ADGRL3: variants seen among roughly 807,000 people sequenced by gnomAD.
The protein encoded by ADGRL3 is adhesion G protein-coupled receptor L3.
ADGRL3 carries 62 observed loss-of-function variants against 153.5 expected under a neutral mutation model. The observed-to-expected ratio is 0.40, with a 90% CI of 0.33 to 0.50. The LOEUF (loss-of-function observed/expected upper bound fraction) is 0.50. Among genes scored for constraint, ADGRL3 ranks in the 20% least tolerant of loss-of-function variants. ADGRL3 has a pLI of 0.47. For synonymous variants in ADGRL3, 710 were observed against 672.5 expected (o/e 1.06, Z -0.86); for missense variants, 1,641 against 1,859.4 (o/e 0.88, Z 2.16).
chr4:61,704,484 C>A (rs2095822806), intron 6 of ADGRL3, among the ~76,000 whole-genome samples: 1 of 152,162 alleles, frequency 6.6e-6, no homozygotes, highest in Admixed American at 6.5e-5. Context: ...TCATCCAAGC[C>A]TTCAGCTAGT....
intron 11 of ADGRL3, 106 bp downstream of exon 11, chr4:61,895,940 A>C: frequency 3.5e-6 from 2 of 575,286 alleles, no homozygotes; most frequent in East Asian, 6.4e-5. Flanking sequence ...AAATCAATGT[A>C]GAAAATTTCA....
At chr4:61,281,557 G>A (rs188346538) in intron 1 of ADGRL3, among the ~76,000 whole-genome samples, 35 of 152,246 alleles carry the variant, frequency 2.3e-4, no homozygotes, top group African/African-American at 8.2e-4. Flanking sequence ...ACTAACAGGT[G>A]TGGAAGAGAA....
chr4:62,045,480 C>A (rs9312086), intron 25 of ADGRL3, among the ~76,000 whole-genome samples: 4,067 of 151,876 alleles, frequency 0.027, 188 homozygotes, highest in African/African-American at 0.094. Flanking sequence ...TTTGTTTTTA[C>A]CTTATTTCTG....
At chr4:61,829,399 A>T (rs148663601) in intron 9 of ADGRL3, among the ~76,000 whole-genome samples, 2 of 152,158 alleles carry the variant, frequency 1.3e-5, no homozygotes, top group Non-Finnish European at 2.9e-5. Flanking sequence ...TTAAAACATA[A>T]GATGTTTTGT....
chr4:61,932,633 TC>T (rs2098822270), intron 13 of ADGRL3, among the ~76,000 whole-genome samples: 1 of 152,170 alleles, frequency 6.6e-6, no homozygotes, highest in Admixed American at 6.6e-5. Flanking sequence ...CCTGCAGTTT[TC>T]TCGTGGTGTC....
At chr4:61,345,519 A>G (rs1278791006) in intron 1 of ADGRL3, among the ~76,000 whole-genome samples, 1 of 152,192 alleles carries the variant, frequency 6.6e-6, no homozygotes, top group Non-Finnish European at 1.5e-5. Context: ...GACAAACAAA[A>G]AACTCATGTT....
chr4:61,820,637 A>G (rs1293974959), intron 9 of ADGRL3, among the ~76,000 whole-genome samples: 1 of 152,174 alleles, frequency 6.6e-6, no homozygotes, highest in Non-Finnish European at 1.5e-5. Flanking sequence ...TAGTTAATTT[A>G]ATGGGATTGA....
At chr4:61,776,919 G>A (rs1011381669) in intron 8 of ADGRL3, among the ~76,000 whole-genome samples, 5 of 152,108 alleles carry the variant, frequency 3.3e-5, no homozygotes, top group South Asian at 4.1e-4. Flanking sequence ...TCAACAGTGC[G>A]ACTATTAAAT....
intron 20 of ADGRL3, among the ~76,000 whole-genome samples, chr4:61,996,924 A>T (rs1339149780): frequency 6.6e-6 from 1 of 152,162 alleles, no homozygotes; most frequent in Admixed American, 6.6e-5. Flanking sequence ...GGATTAACTT[A>T]ATTTAGATAA....
intron 1 of ADGRL3, among the ~76,000 whole-genome samples, chr4:61,231,862 G>T (rs753451534): frequency 6.6e-6 from 1 of 151,986 alleles, no homozygotes; most frequent in Non-Finnish European, 1.5e-5. Context: ...TACCTTGGGA[G>T]GAGTGTATTT....
At chr4:61,577,577 G>A (rs944732635) in intron 4 of ADGRL3, among the ~76,000 whole-genome samples, 8 of 151,982 alleles carry the variant, frequency 5.3e-5, no homozygotes, top group African/African-American at 1.9e-4. Context: ...TTGGGAGGCA[G>A]AGGTGGGAAA....
intron 13 of ADGRL3, among the ~76,000 whole-genome samples, chr4:61,923,187 A>G (rs948470275): frequency 8.5e-5 from 13 of 152,218 alleles, no homozygotes; most frequent in Non-Finnish European, 1.8e-4. Flanking sequence ...TGCTATTAAA[A>G]TCCTTTGACC....
chr4:61,372,147 GT>G (rs1473615034), intron 1 of ADGRL3, among the ~76,000 whole-genome samples: 2 of 151,886 alleles, frequency 1.3e-5, no homozygotes, highest in Non-Finnish European at 2.9e-5. Context: ...TTTTTTGAAA[GT>G]TTTCAACTTC....
chr4:61,629,721 C>CAAAAAAAAAAAAAAAAAAA, intron 5 of ADGRL3, among the ~76,000 whole-genome samples: 1 of 33,420 alleles, frequency 3.0e-5, no homozygotes. Flanking sequence ...CGTCTCGGGG[C>CAAAAAAAAAAAAAAAAAAA]AAAAAAAAAA....
intron 5 of ADGRL3, among the ~76,000 whole-genome samples, chr4:61,600,844 A>G (rs867406367): frequency 9.9e-5 from 15 of 152,184 alleles, no homozygotes; most frequent in African/African-American, 3.4e-4. Flanking sequence ...TAAAAAAAAC[A>G]TGGTATATTT....
chr4:61,883,225 T>C (rs971389644), intron 9 of ADGRL3, among the ~76,000 whole-genome samples: 6 of 152,216 alleles, frequency 3.9e-5, no homozygotes, highest in Admixed American at 2.0e-4. Flanking sequence ...TAATATCTAA[T>C]ATAATGCATG....
chr4:61,818,024 C>T (rs982520836), intron 9 of ADGRL3, among the ~76,000 whole-genome samples: 2 of 152,220 alleles, frequency 1.3e-5, no homozygotes, highest in Admixed American at 1.3e-4. Flanking sequence ...CATTTCAAAA[C>T]CAATCATGCC....
At chr4:61,217,822 C>T (rs1226150712) in intron 1 of ADGRL3, among the ~76,000 whole-genome samples, 2 of 152,154 alleles carry the variant, frequency 1.3e-5, no homozygotes, top group African/African-American at 4.8e-5. Context: ...TATTAAGTAC[C>T]TGGTATCTTT....
intron 1 of ADGRL3, among the ~76,000 whole-genome samples, chr4:61,266,770 C>G (rs1463049553): frequency 6.6e-6 from 1 of 151,660 alleles, no homozygotes. Context: ...ATACAAACAT[C>G]TTTTTGTTCC....
Sources: allele counts gnomAD v4.1 joint callset (sites outside exome capture counted in the v4.1 genomes callset), GRCh38; gene constraint gnomAD v4.1.1; transcripts MANE v1.5; gene names NCBI Gene and HGNC (gene_info 2026-07-23, HGNC 2026-07-21).